NTM: variants seen among roughly 807,000 people sequenced by gnomAD.
NTM encodes the protein IgLON family member 2.
A neutral mutation model predicts 42.1 loss-of-function variants in NTM; 13 were observed. The observed-to-expected ratio is 0.31, with a 90% CI of 0.20 to 0.49. The LOEUF (loss-of-function observed/expected upper bound fraction) is 0.49. Among genes scored for constraint, NTM ranks in the 20% least tolerant of loss-of-function variants. The pLI, the probability that NTM is intolerant of heterozygous loss-of-function variation, is 0.99. For missense variants in NTM, 373 were observed against 452.8 expected (o/e 0.82, Z 1.60); for synonymous variants, 187 against 179.2 (o/e 1.04, Z -0.35).
At chr11:131,988,529 G>A (rs1292320391) in intron 2 of NTM, among the ~76,000 whole-genome samples, 3 of 152,300 alleles carry the variant, frequency 2.0e-5, no homozygotes, top group African/African-American at 7.2e-5. Context: ...GACTGGCAGT[G>A]GTGGATATTC....
chr11:131,562,186 G>A (rs541796613), intron 1 of NTM, among the ~76,000 whole-genome samples: 31 of 152,158 alleles, frequency 2.0e-4, no homozygotes, highest in Non-Finnish European at 4.1e-4. Context: ...GCCCTGTCAC[G>A]CTGACTTATG....
Position 131,805,152 on chromosome 11 carries a change from T to C in NTM, c.83-106412T>C, listed in dbSNP as rs180869745. On this transcript the variant is annotated intron_variant, in intron 1 of 8. Coordinates refer to ENST00000683400, the MANE Select transcript of NTM (RefSeq NM_001352005.2). Reference sequence around the variant, plus strand: ...TATAAAGTAGAGGCCATCCTCACCATCTTCATCACTGTAGCCCCAGCACCT... The same window carrying C: ...TATAAAGTAGAGGCCATCCTCACCACCTTCATCACTGTAGCCCCAGCACCT... 1.4e-4 allele frequency among the ~76,000 whole-genome samples: 22 copies of C among 152,304 alleles called. 1 individual carries two copies. In the East Asian group the frequency reaches 4.2e-3, roughly 29 times the overall value.
At chr11:131,632,673 CTT>C (rs529612626) in intron 1 of NTM, among the ~76,000 whole-genome samples, 1 of 83,088 alleles carries the variant, frequency 1.2e-5, no homozygotes, top group African/African-American at 5.0e-5. Flanking sequence ...GCTCGGGCAG[CTT>C]TTTTTTTTTT....
chr11:131,655,046 C>T (rs2067001440), intron 1 of NTM, among the ~76,000 whole-genome samples: 2 of 152,330 alleles, frequency 1.3e-5, no homozygotes, highest in Non-Finnish European at 2.9e-5. Flanking sequence ...GCCCCCGCCA[C>T]TCCGCCGGTC....
In NTM at chr11:131,617,753, T is replaced by G. The variant is rs191006651; in HGVS notation, c.82+246865T>G. On this transcript the variant is annotated intron_variant, in intron 1 of 8. Coordinates refer to ENST00000683400, the MANE Select transcript of NTM (RefSeq NM_001352005.2). ...CAGCTTCCACAACACAAAGGATTGT[T>G]GAAACTCAGTTCTTTCCCCTGGGGT... Among the ~76,000 whole-genome samples the G allele has an allele frequency of 9.8e-5, 15 of 152,308 alleles. No homozygotes were observed. In the East Asian group the frequency reaches 2.1e-3, roughly 22 times the overall value.
chr11:131,446,145 A>G lies in NTM; in HGVS notation c.82+75257A>G, dbSNP rs541150684. 8.5e-5 allele frequency among the ~76,000 whole-genome samples: 13 copies of G among 152,318 alleles called. No individual in the cohort carries two copies. The South Asian group carries it at 2.3e-3, about 27-fold the overall frequency. On this transcript the variant is annotated intron_variant, in intron 1 of 8. Transcript: ENST00000683400. ...CCCCAAGCCTACTGGAGGAAGGGCT[A>G]TCTTATAGATCAGAGATTTCCCAGC... is the stretch of plus-strand genomic sequence containing the variant.
chr11:132,325,933 C>T lies in NTM; in HGVS notation c.935-4220C>T, dbSNP rs956207551. 7.4e-4 allele frequency among the ~76,000 whole-genome samples: 112 copies of T among 151,800 alleles called. 1 individual carries two copies. The highest frequency in any genetic ancestry group is 5.7e-3 in the Admixed American group (87 of 15,254). On this transcript the variant is annotated intron_variant, in intron 7 of 8. Transcript: ENST00000683400. ...ATCGCAAGGACAAAAAACCAAACAC[C>T]GCGTGTTCTCACTCATAGGTGGGAA... is the stretch of plus-strand genomic sequence containing the variant.
At chr11:132,001,410 G>A (rs1345599191) in intron 2 of NTM, among the ~76,000 whole-genome samples, 1 of 152,210 alleles carries the variant, frequency 6.6e-6, no homozygotes, top group African/African-American at 2.4e-5. Flanking sequence ...CCTGAAATTG[G>A]ATAATGTATA....
chr11:132,094,322 C>T (rs1591473545), intron 2 of NTM, among the ~76,000 whole-genome samples: 1 of 152,166 alleles, frequency 6.6e-6, no homozygotes, highest in East Asian at 1.9e-4. Flanking sequence ...TTTCTGGTTC[C>T]ATGTCTTGTG....
chr11:131,545,274 C>G (rs1291738829), intron 1 of NTM, among the ~76,000 whole-genome samples: 1 of 151,834 alleles, frequency 6.6e-6, no homozygotes, highest in Non-Finnish European at 1.5e-5. Flanking sequence ...ATACCTTTTC[C>G]CTCTGTTTCT....
At chr11:131,421,831 A>G (rs1267335051) in intron 1 of NTM, among the ~76,000 whole-genome samples, 3 of 152,310 alleles carry the variant, frequency 2.0e-5, no homozygotes, top group South Asian at 2.1e-4. Flanking sequence ...ATGAATACAC[A>G]TGAGGATTTT....
intron 3 of NTM, among the ~76,000 whole-genome samples, chr11:132,164,715 A>G (rs931343723): frequency 6.6e-6 from 1 of 152,098 alleles, no homozygotes; most frequent in Non-Finnish European, 1.5e-5. Context: ...GTTCTTCTCA[A>G]TCTCATCACT....
At chr11:131,543,243 T>A (rs865944003) in intron 1 of NTM, among the ~76,000 whole-genome samples, 8 of 152,188 alleles carry the variant, frequency 5.3e-5, no homozygotes, top group Middle Eastern at 3.4e-3. Context: ...TTCCATTACC[T>A]CCCCTGTTTT....
chr11:132,099,961 C>T (rs1036444007), intron 2 of NTM, among the ~76,000 whole-genome samples: 1 of 152,102 alleles, frequency 6.6e-6, no homozygotes, highest in African/African-American at 2.4e-5. Flanking sequence ...TTCCTTCCCC[C>T]ACTTTGCACC....
chr11:132,231,195 A>C (rs758088107), intron 4 of NTM, among the ~76,000 whole-genome samples: 2 of 152,206 alleles, frequency 1.3e-5, no homozygotes, highest in Non-Finnish European at 2.9e-5. Flanking sequence ...GCTAAGATGC[A>C]AATGTCCATC....
At chr11:131,611,752 C>T (rs2061483908) in intron 1 of NTM, among the ~76,000 whole-genome samples, 1 of 152,086 alleles carries the variant, frequency 6.6e-6, no homozygotes, top group South Asian at 2.1e-4. Context: ...CAGAAGTTGC[C>T]AGAGCTAATG....
chr11:131,440,207 T>A (rs12289924), intron 1 of NTM, among the ~76,000 whole-genome samples: 8 of 152,048 alleles, frequency 5.3e-5, no homozygotes, highest in Admixed American at 1.3e-4. Flanking sequence ...AACCTATAAC[T>A]TCTTTTAATT....
At chr11:131,906,603 G>C (rs1409664132) in intron 1 of NTM, among the ~76,000 whole-genome samples, 1 of 152,114 alleles carries the variant, frequency 6.6e-6, no homozygotes, top group Non-Finnish European at 1.5e-5. Context: ...TCCCCTTTGG[G>C]CACCTGCCTT....
At chr11:132,252,020 G>A (rs1398333339) in intron 4 of NTM, among the ~76,000 whole-genome samples, 7 of 152,130 alleles carry the variant, frequency 4.6e-5, no homozygotes, top group East Asian at 3.9e-4. Flanking sequence ...AGGCAAGGCC[G>A]TGGCCTTCTG....
Sources: allele counts gnomAD v4.1 joint callset (sites outside exome capture counted in the v4.1 genomes callset), GRCh38; gene constraint gnomAD v4.1.1; transcripts MANE v1.5; gene names NCBI Gene and HGNC (gene_info 2026-07-23, HGNC 2026-07-21).